The following ZC3H6 variants were observed in gnomAD, a reference collection of about 807,000 sequenced individuals.
The protein encoded by ZC3H6 is zinc finger CCCH-type containing 6, also known as zinc finger CCCH domain-containing protein 6.
In ZC3H6, 40 loss-of-function variants were observed where a neutral mutation model predicts 107.7. The ratio of observed to expected loss-of-function variants is 0.37; its 90% confidence interval spans 0.29 to 0.48. The LOEUF (loss-of-function observed/expected upper bound fraction) is 0.48, where lower values mean the gene tolerates loss of function less well. ZC3H6 is among the 20% of genes least tolerant of loss of function. The pLI is 0.98. For missense variants in ZC3H6, 1,267 were observed against 1,410.4 expected, an observed-to-expected ratio of 0.90 and a Z score of 1.63; for synonymous variants, 493 against 487.9, an observed-to-expected ratio of 1.01 and a Z score of -0.14.
Position 112,275,953 on chromosome 2 carries a change from T to C in ZC3H6, c.-42T>C. On this transcript the variant is annotated 5_prime_UTR_variant, in exon 1 of 12. Transcript: ENST00000409871. ...TCCCCGCGCCCCGCCGCCGCCGGCC[T>C]CGCAGACCTGCCCTCCAGCCCCGCC... is the stretch of plus-strand genomic sequence containing the variant. 4.0e-6 allele frequency: 6 copies of C among 1,514,164 alleles called. No individual in the cohort carries two copies. Among genetic ancestry groups the C allele is most frequent in the Non-Finnish European group, 5.3e-6 (6 of 1,130,612 alleles). 93.8% of individuals were successfully genotyped at this position (1,514,164 alleles called of 1,614,324 possible).
intron 1 of ZC3H6, among the ~76,000 whole-genome samples, chr2:112,281,812 T>G (rs1686531783): frequency 6.6e-6 from 1 of 151,826 alleles, no homozygotes; most frequent in Middle Eastern, 3.2e-3. Context: ...AGCACAGAAG[T>G]TTTTGGAAAC....
intron 11 of ZC3H6, among the ~76,000 whole-genome samples, chr2:112,329,937 ATAGGTAGGCTTCTT>A (rs781711503): frequency 3.3e-5 from 5 of 152,146 alleles, no homozygotes; most frequent in Non-Finnish European, 5.9e-5. Context: ...AAGACTTACG[ATAGGTAGGCTTCTT>A]TAGGTAGGCT....
intron 1 of ZC3H6, among the ~76,000 whole-genome samples, chr2:112,294,850 T>A (rs1455199716): frequency 6.6e-6 from 1 of 152,196 alleles, no homozygotes; most frequent in Non-Finnish European, 1.5e-5. Context: ...TTTTATACCA[T>A]AGGGTATTAT....
chr2:112,304,011 T>G (rs976710016), intron 3 of ZC3H6, among the ~76,000 whole-genome samples: 29 of 152,242 alleles, frequency 1.9e-4, no homozygotes, highest in Non-Finnish European at 3.7e-4. Context: ...TTTACATTAT[T>G]TACAATGTTT....
chr2:112,323,351 G>A (rs1278402384), intron 9 of ZC3H6, among the ~76,000 whole-genome samples: 4 of 152,130 alleles, frequency 2.6e-5, no homozygotes, highest in South Asian at 2.1e-4. Flanking sequence ...GTCCCCAAGC[G>A]TCTGTGCACC....
chr2:112,291,343 C>T (rs1254483924), intron 1 of ZC3H6, among the ~76,000 whole-genome samples: 1 of 152,182 alleles, frequency 6.6e-6, no homozygotes, highest in Non-Finnish European at 1.5e-5. Context: ...AAGCAATTCT[C>T]CTGCCTCAGC....
chr2:112,332,557 T>C lies in ZC3H6; in HGVS notation c.*69T>C. 7.0e-7 allele frequency: 1 copy of C among 1,437,528 alleles called. No individual in the cohort carries two copies. Among genetic ancestry groups the C allele is most frequent in the Non-Finnish European group, 9.4e-7 (1 of 1,065,210 alleles). 89.0% of individuals were successfully genotyped at this position (1,437,528 alleles called of 1,614,324 possible). On this transcript the variant is annotated 3_prime_UTR_variant, in exon 12 of 12. Transcript: ENST00000409871. ...CAGTCCTCTGCTGTTTTGTAACTGG[T>C]TTACCTCTATAGTTTATTTATTTTT...
At chr2:112,310,288 T>C in intron 4 of ZC3H6, 127 bp downstream of exon 4, 1 of 935,962 alleles carries the variant, frequency 1.1e-6, no homozygotes, top group South Asian at 1.8e-5. Context: ...TAAATTCATT[T>C]TCTTTTATTT....
intron 1 of ZC3H6, among the ~76,000 whole-genome samples, chr2:112,276,388 A>G (rs987754556): frequency 2.4e-4 from 37 of 151,974 alleles, no homozygotes; most frequent in Admixed American, 1.8e-3. Context: ...CCGGCCAGAT[A>G]GGACCAGCCA....
chr2:112,301,698 T>C (rs1215657588), intron 2 of ZC3H6, among the ~76,000 whole-genome samples: 3 of 151,900 alleles, frequency 2.0e-5, no homozygotes, highest in African/African-American at 7.3e-5. Flanking sequence ...AAGAAAACAA[T>C]ATAAGCTATG....
chr2:112,324,035 C>T lies in ZC3H6; in HGVS notation c.1341-117C>T, dbSNP rs1408557198. The T allele has an allele frequency of 6.2e-6, 7 of 1,127,678 alleles. No individual in the cohort carries two copies. In the East Asian group the frequency reaches 1.7e-4, roughly 28 times the overall value. 69.9% of individuals were successfully genotyped at this position (1,127,678 alleles called of 1,614,324 possible). A position where few individuals can be genotyped will look rare whatever the true frequency, so the allele number is the denominator to read the frequency against. Reference sequence around the variant, plus strand: ...TATGGAACAAATTGCTTCTTAAACACACAGTATTCTATTCTGATGTAAAAA... The same window carrying T: ...TATGGAACAAATTGCTTCTTAAACATACAGTATTCTATTCTGATGTAAAAA... On this transcript the variant is annotated intron_variant, in intron 9 of 11. Coordinates refer to ENST00000409871, the MANE Select transcript of ZC3H6 (RefSeq NM_198581.3).
chr2:112,335,083 G>C lies in ZC3H6; in HGVS notation c.*2595G>C, dbSNP rs750793933. The C allele has an allele frequency of 2.0e-5, 3 of 152,210 alleles. No homozygotes were observed. Among genetic ancestry groups the C allele is most frequent in the Non-Finnish European group, 2.9e-5 (2 of 68,034 alleles). 9.4% of individuals were successfully genotyped at this position (152,210 alleles called of 1,614,324 possible). On this transcript the variant is annotated 3_prime_UTR_variant, in exon 12 of 12. Transcript: ENST00000409871. Reference sequence around the variant, plus strand: ...GCAGGGGGTTGAAATGGAACACACAGAAGATCATGACAATTGAGATTCAGC... The same window carrying C: ...GCAGGGGGTTGAAATGGAACACACACAAGATCATGACAATTGAGATTCAGC...
Position 112,335,689 on chromosome 2 carries a change from A to G in ZC3H6, c.*3201A>G, listed in dbSNP as rs1677125965. ...TGCATTAAGTTGTACAAATTCCAAAATAACATGGTATGGTTTGTATGGTTT... is the reference window on the plus strand; with the variant it reads ...TGCATTAAGTTGTACAAATTCCAAAGTAACATGGTATGGTTTGTATGGTTT... On this transcript the variant is annotated 3_prime_UTR_variant, in exon 12 of 12. Transcript: ENST00000409871. 6.6e-6 allele frequency: 1 copy of G among 152,196 alleles called. No individual in the cohort carries two copies. The highest frequency in any genetic ancestry group is 1.5e-5 in the Non-Finnish European group (1 of 68,026). 9.4% of individuals were successfully genotyped at this position (152,196 alleles called of 1,614,324 possible).
intron 5 of ZC3H6, among the ~76,000 whole-genome samples, chr2:112,313,379 T>G (rs1234482782): frequency 6.6e-6 from 1 of 152,196 alleles, no homozygotes; most frequent in African/African-American, 2.4e-5. Context: ...ATACAAATGC[T>G]TTCTAAGTAA....
intron 1 of ZC3H6, among the ~76,000 whole-genome samples, chr2:112,288,917 T>C (rs1174969775): frequency 6.6e-6 from 1 of 152,192 alleles, no homozygotes; most frequent in Non-Finnish European, 1.5e-5. Context: ...ATATTGGTGC[T>C]CAGCCCTTTT....
rs1299537233 is a variant in ZC3H6, at chr2:112,324,011, A to G, written c.1341-141A>G. On this transcript the variant is annotated intron_variant, in intron 9 of 11. Coordinates refer to ENST00000409871, the MANE Select transcript of ZC3H6 (RefSeq NM_198581.3). ...TTTCGTGTTTCTACCTATCGACGCT[A>G]TGGAACAAATTGCTTCTTAAACACA... 11 of 875,940 alleles carry G rather than the reference A, an allele frequency of 1.3e-5. No homozygotes were observed. In the East Asian group the frequency reaches 2.2e-4, roughly 17 times the overall value. 54.3% of individuals were successfully genotyped at this position (875,940 alleles called of 1,614,324 possible).
At chr2:112,322,514 T>C in intron 8 of ZC3H6, 135 bp from the exon 9 acceptor site, 1 of 986,830 alleles carries the variant, frequency 1.0e-6, no homozygotes, top group Non-Finnish European at 1.4e-6. Context: ...GTGTTGAGAT[T>C]AAAGGCGTGA....
Position 112,331,813 on chromosome 2 carries a change from A to G in ZC3H6, c.2895A>G (p.Leu965=), listed in dbSNP as rs770168935. The G allele has an allele frequency of 2.5e-6, 4 of 1,613,792 alleles. No individual in the cohort carries two copies. In the Admixed American group the frequency reaches 6.7e-5, roughly 27 times the overall value. Residue 965 remains leucine, a synonymous_variant, in exon 12 of 12, where the codon CTA becomes CTG. Coordinates refer to ENST00000409871, the MANE Select transcript of ZC3H6 (RefSeq NM_198581.3). ...GSGAKLGDPR[L]QKNFDPRLHR... ...GAGCTAAATTAGGAGATCCTAGACTACAAAAAAATTTTGATCCTAGGCTTC... is the reference window on the plus strand; with the variant it reads ...GAGCTAAATTAGGAGATCCTAGACTGCAAAAAAATTTTGATCCTAGGCTTC...
chr2:112,317,837 A>G (rs1391029309), intron 7 of ZC3H6, among the ~76,000 whole-genome samples: 2 of 152,136 alleles, frequency 1.3e-5, no homozygotes, highest in African/African-American at 2.4e-5. Flanking sequence ...CTGGTCCTTT[A>G]AAAAAATGTA....
Sources: allele counts gnomAD v4.1 joint callset (sites outside exome capture counted in the v4.1 genomes callset), GRCh38; gene constraint gnomAD v4.1.1; transcripts MANE v1.5; gene names NCBI Gene and HGNC (gene_info 2026-07-23, HGNC 2026-07-21).